CTNND2: variants seen among roughly 807,000 people sequenced by gnomAD.
CTNND2 encodes catenin delta-2.
In CTNND2, 22 loss-of-function variants were observed where a neutral mutation model predicts 144.4. That is an observed-to-expected ratio of 0.15 (90% CI 0.11 to 0.22). The LOEUF (loss-of-function observed/expected upper bound fraction) is 0.22. CTNND2 is among the 10% of genes least tolerant of loss of function. CTNND2 has a pLI of 1.00. For synonymous variants in CTNND2, 751 were observed against 695.6 expected, an observed-to-expected ratio of 1.08 and a Z score of -1.25; for missense variants, 1,353 against 1,618.8, an observed-to-expected ratio of 0.84 and a Z score of 2.82.
At chr5:11,660,408 C>T (rs1783130644) in intron 2 of CTNND2, among the ~76,000 whole-genome samples, 1 of 152,054 alleles carries the variant, frequency 6.6e-6, no homozygotes, top group South Asian at 2.1e-4. Context: ...ACTCTGGGAA[C>T]AATTACATTA....
intron 21 of CTNND2, among the ~76,000 whole-genome samples, chr5:10,977,728 C>T (rs1012142168): frequency 3.3e-5 from 5 of 152,252 alleles, no homozygotes; most frequent in African/African-American, 9.6e-5. Context: ...GCTAGGATTA[C>T]AGGCATTAGC....
At chr5:11,752,666 T>G (rs1265729519) in intron 1 of CTNND2, among the ~76,000 whole-genome samples, 1 of 151,878 alleles carries the variant, frequency 6.6e-6, no homozygotes, top group African/African-American at 2.4e-5. Context: ...TCTTGGGCTA[T>G]TGGGGCTTTT....
chr5:11,597,374 C>G (rs1203256593), intron 2 of CTNND2, among the ~76,000 whole-genome samples: 1 of 152,078 alleles, frequency 6.6e-6, no homozygotes. Context: ...AGTTTGCTCC[C>G]TTTATTACCC....
intron 1 of CTNND2, among the ~76,000 whole-genome samples, chr5:11,805,536 C>CAATG (rs35946880): frequency 0.099 from 15,020 of 151,588 alleles, 1,961 homozygotes; most frequent in African/African-American, 0.3. Context: ...AATAAATGAA[C>CAATG]AATGAATGAA....
At chr5:11,474,208 C>T (rs1308828515) in intron 3 of CTNND2, among the ~76,000 whole-genome samples, 2 of 152,178 alleles carry the variant, frequency 1.3e-5, no homozygotes, top group Non-Finnish European at 2.9e-5. Flanking sequence ...ATTAAAACTT[C>T]AATTAATTAT....
At position 11,384,442 on chromosome 5, in the gene CTNND2, G is replaced by A; in HGVS notation, c.1177+223C>T. The A allele has an allele frequency of 1.7e-6, 1 of 579,686 alleles. No homozygotes were observed. Among genetic ancestry groups the A allele is most frequent in the Non-Finnish European group, 3.1e-6 (1 of 326,934 alleles). The allele number at this position is 579,686 out of a possible 1,614,324, so 35.9% of individuals were successfully genotyped here. A position where few individuals can be genotyped will look rare whatever the true frequency, so the allele number is the denominator to read the frequency against. On this transcript the variant is annotated intron_variant, in intron 7 of 21. Coordinates refer to ENST00000304623, the MANE Select transcript of CTNND2 (RefSeq NM_001332.4). The surrounding 1 kb of genome is among the most constrained non-coding windows in gnomAD (Gnocchi z 5.2). ...GAGGAGAGAAGAGAGTGATATAGGT[G>A]TTAGAGATTGAGACACCACATTACT...
intron 16 of CTNND2, among the ~76,000 whole-genome samples, chr5:11,041,725 A>T (rs1383734400): frequency 2.0e-5 from 3 of 152,220 alleles, no homozygotes; most frequent in Admixed American, 6.5e-5. Flanking sequence ...CACACAAGGT[A>T]AGAAGGTACA....
At chr5:11,815,570 T>C (rs1055449971) in intron 1 of CTNND2, among the ~76,000 whole-genome samples, 8 of 152,326 alleles carry the variant, frequency 5.3e-5, no homozygotes, top group Non-Finnish European at 8.8e-5. Context: ...TTTTTTTCTA[T>C]ATAATTCTAT....
intron 2 of CTNND2, among the ~76,000 whole-genome samples, chr5:11,622,262 C>G (rs1780885753): frequency 1.3e-5 from 2 of 152,070 alleles, no homozygotes; most frequent in South Asian, 2.1e-4. Flanking sequence ...GATTCTGTTT[C>G]CTAAGCTAAG....
intron 12 of CTNND2, among the ~76,000 whole-genome samples, chr5:11,148,048 G>A (rs1344746675): frequency 6.6e-6 from 1 of 152,206 alleles, no homozygotes; most frequent in African/African-American, 2.4e-5. Flanking sequence ...AACACATCAT[G>A]CTAAGTGAAG....
intron 2 of CTNND2, among the ~76,000 whole-genome samples, chr5:11,595,554 A>G (rs1290908182): frequency 6.6e-6 from 1 of 152,198 alleles, no homozygotes; most frequent in African/African-American, 2.4e-5. Flanking sequence ...TCATGCAATG[A>G]CAGATGAAGA....
At chr5:11,001,684 T>C (rs1739980302) in intron 18 of CTNND2, among the ~76,000 whole-genome samples, 1 of 152,230 alleles carries the variant, frequency 6.6e-6, no homozygotes, top group South Asian at 2.1e-4. Context: ...ATCAGAATCA[T>C]CTTCTGCTGT....
At chr5:11,164,647 T>C (rs185948786) in intron 11 of CTNND2, among the ~76,000 whole-genome samples, 298 of 152,320 alleles carry the variant, frequency 2.0e-3, no homozygotes, top group African/African-American at 6.0e-3. Context: ...CGCAGATCCC[T>C]GGACTTGCTG....
intron 1 of CTNND2, among the ~76,000 whole-genome samples, chr5:11,813,323 C>A (rs554947865): frequency 1.3e-5 from 2 of 152,172 alleles, no homozygotes; most frequent in Non-Finnish European, 2.9e-5. Context: ...CAGAACGTAT[C>A]CCAGTCATTA....
At chr5:11,562,521 A>G (rs968734407) in intron 3 of CTNND2, among the ~76,000 whole-genome samples, 1 of 152,264 alleles carries the variant, frequency 6.6e-6, no homozygotes, top group Admixed American at 6.5e-5. Context: ...AGATGCATAC[A>G]TTAGAGATTT....
At chr5:11,356,372 T>C (rs78393034) in intron 8 of CTNND2, among the ~76,000 whole-genome samples, 1,932 of 148,774 alleles carry the variant, frequency 0.013, 24 homozygotes, top group South Asian at 0.034. Flanking sequence ...TGGAAGAGAA[T>C]AGAGAGTCCA....
At chr5:11,070,375 A>G (rs1748124767) in intron 16 of CTNND2, among the ~76,000 whole-genome samples, 1 of 152,228 alleles carries the variant, frequency 6.6e-6, no homozygotes, top group Non-Finnish European at 1.5e-5. Flanking sequence ...ACATGGAAGG[A>G]CCAGTGAGTT....
rs1208739427 is a variant in CTNND2 at position 11,122,036 on chromosome 5, T to C, written c.2160-4469A>G. 2.0e-5 allele frequency among the ~76,000 whole-genome samples: 3 copies of C among 152,324 alleles called. No homozygotes were observed. In the East Asian group the frequency reaches 5.8e-4, roughly 29 times the overall value. On this transcript the variant is annotated intron_variant, in intron 12 of 21. Coordinates refer to ENST00000304623, the MANE Select transcript of CTNND2 (RefSeq NM_001332.4). The stretch of plus-strand genomic sequence containing the variant: ...TTTATACCTAGCATTCAGCTGAGTG[T>C]GTGACACATAGTTGGCTCTTATTGA...
Position 11,452,899 on chromosome 5 carries a change from T to C in CTNND2, c.288-40830A>G, listed in dbSNP as rs74957004. Among the ~76,000 whole-genome samples the C allele has an allele frequency of 3.0e-3, 452 of 152,314 alleles. 3 individuals are homozygous for C. Among genetic ancestry groups the C allele is most frequent in the African/African-American group, 9.6e-3 (398 of 41,576 alleles). ...ATATGTATATGACACTGATCAATTGTAGGGTGAAGAAAAACTTTCTCCAGA... is the reference window on the plus strand; with the variant it reads ...ATATGTATATGACACTGATCAATTGCAGGGTGAAGAAAAACTTTCTCCAGA... On this transcript the variant is annotated intron_variant, in intron 3 of 21. Transcript: ENST00000304623.
Sources: allele counts gnomAD v4.1 joint callset (sites outside exome capture counted in the v4.1 genomes callset), GRCh38; gene constraint gnomAD v4.1.1; non-coding constraint Gnocchi (gnomAD v3.1); transcripts MANE v1.5; gene names NCBI Gene and HGNC (gene_info 2026-07-23, HGNC 2026-07-21).